The following STXBP4 variants were observed in gnomAD, a reference collection of about 807,000 sequenced individuals.
STXBP4 encodes syntaxin binding protein 4.
STXBP4 carries 55 observed loss-of-function variants against 76.1 expected under a neutral mutation model. The ratio of observed to expected loss-of-function variants is 0.72; its 90% CI spans 0.58 to 0.91. The LOEUF (loss-of-function observed/expected upper bound fraction) is 0.91. Among genes scored for constraint, STXBP4 ranks in the 40% least tolerant of loss-of-function variants. The pLI is 0.00. For synonymous variants in STXBP4, 201 were observed against 220.2 expected (o/e 0.91, Z 0.77); for missense variants, 618 against 636.9 (o/e 0.97, Z 0.32).
Position 55,007,591 on chromosome 17 carries a change from G to A in STXBP4, c.660G>A (p.Leu220=), listed in dbSNP as rs1365629792. 2.1e-5 allele frequency: 34 copies of A among 1,596,908 alleles called. No homozygotes were observed. The highest frequency in any genetic ancestry group is 2.7e-5 in the Non-Finnish European group (32 of 1,174,680). ...NPSVRFKAEK[L]EMALNYLGIQ... is the part of the protein sequence containing the mutation. ...CTGTTCGCTTTAAGGCAGAGAAACT[G>A]GAAATGGTAAAACCTTTAAATTTTC... Residue 220 remains leucine, a synonymous_variant, in exon 8 of 18, where the codon CTG becomes CTA. Coordinates refer to ENST00000376352, the MANE Select transcript of STXBP4 (RefSeq NM_178509.6).
chr17:54,987,665 G>A (rs1018036659), intron 3 of STXBP4, among the ~76,000 whole-genome samples: 5 of 152,266 alleles, frequency 3.3e-5, no homozygotes, highest in Non-Finnish European at 7.4e-5. Flanking sequence ...ATGCCAAAAT[G>A]AATAACCTAG....
intron 16 of STXBP4, among the ~76,000 whole-genome samples, chr17:55,121,126 A>AC (rs1304779911): frequency 6.6e-6 from 1 of 152,186 alleles, no homozygotes; most frequent in Non-Finnish European, 1.5e-5. Context: ...AAGATTCAGT[A>AC]CCCTCAAAGA....
rs1279552419 is a variant in STXBP4 at position 55,160,640 on chromosome 17, C to T, written c.*729C>T. ...CCCCTTCCCCCATACCCTGCTGTCT[C>T]CACGGAGGGAGGTCACAGCCCATCA... On this transcript the variant is annotated 3_prime_UTR_variant, in exon 18 of 18. Coordinates refer to ENST00000376352, the MANE Select transcript of STXBP4 (RefSeq NM_178509.6). 6.6e-6 allele frequency: 1 copy of T among 152,642 alleles called. No homozygotes were observed. The highest frequency in any genetic ancestry group is 1.5e-5 in the Non-Finnish European group (1 of 68,190). 9.5% of individuals were successfully genotyped at this position (152,642 alleles called of 1,614,324 possible).
At chr17:55,066,161 A>G (rs2079048237) in intron 12 of STXBP4, among the ~76,000 whole-genome samples, 1 of 152,162 alleles carries the variant, frequency 6.6e-6, no homozygotes, top group South Asian at 2.1e-4. Context: ...GAGAACATGC[A>G]CTGTATTTCT....
the STXBP4 span, among the ~76,000 whole-genome samples, chr17:55,187,557 T>C: frequency 1.3e-5 from 2 of 152,130 alleles, no homozygotes; most frequent in Non-Finnish European, 2.9e-5. Context: ...TGATATAGCA[T>C]CCTGGAGCTG....
chr17:54,970,184 G>A (rs1221189642), intron 1 of STXBP4, among the ~76,000 whole-genome samples: 1 of 152,168 alleles, frequency 6.6e-6, no homozygotes, highest in Non-Finnish European at 1.5e-5. Flanking sequence ...GGTAACAAAG[G>A]CCTGGTAATA....
rs2080348246 is a variant in STXBP4, at chr17:55,162,816, C to G, written c.*2905C>G. 2 of 152,160 alleles carry G rather than the reference C, an allele frequency of 1.3e-5. No individual in the cohort carries two copies. The highest frequency in any genetic ancestry group is 4.8e-5 in the African/African-American group (2 of 41,436). 9.4% of individuals were successfully genotyped at this position (152,160 alleles called of 1,614,324 possible). A position where few individuals can be genotyped will look rare whatever the true frequency, so the allele number is the denominator to read the frequency against. Reference sequence around the variant, plus strand: ...TTTTGACATGTTATGTTGTGGTCATCTTTTCATGTCAATACATAGATTAAT... The same window carrying G: ...TTTTGACATGTTATGTTGTGGTCATGTTTTCATGTCAATACATAGATTAAT... On this transcript the variant is annotated 3_prime_UTR_variant, in exon 18 of 18. Coordinates refer to ENST00000376352, the MANE Select transcript of STXBP4 (RefSeq NM_178509.6).
At chr17:55,028,284 CAGA>C (rs1197816077) in intron 8 of STXBP4, among the ~76,000 whole-genome samples, 3 of 151,870 alleles carry the variant, frequency 2.0e-5, no homozygotes, top group Admixed American at 6.6e-5. Context: ...AAATGATTAT[CAGA>C]AGGAGAATGC....
intron 8 of STXBP4, among the ~76,000 whole-genome samples, chr17:55,015,280 C>A (rs558899030): frequency 3.9e-4 from 59 of 152,290 alleles, no homozygotes; most frequent in Admixed American, 9.2e-4. Flanking sequence ...TCTGTGGCAC[C>A]AATCTCCATG....
intron 8 of STXBP4, among the ~76,000 whole-genome samples, chr17:55,022,801 G>T (rs564175318): frequency 1.3e-5 from 2 of 152,306 alleles, no homozygotes; most frequent in African/African-American, 4.8e-5. Flanking sequence ...TGTGTTCCTG[G>T]CATCATGTGA....
At chr17:54,982,134 CATTAA>C (rs140473728) in intron 1 of STXBP4, among the ~76,000 whole-genome samples, 2,283 of 152,192 alleles carry the variant, frequency 0.015, 53 homozygotes, top group African/African-American at 0.052. Flanking sequence ...TTTGTAATTT[CATTAA>C]ATTAATATTT....
At chr17:54,994,417 G>T (rs117976633) in intron 4 of STXBP4, among the ~76,000 whole-genome samples, 2,575 of 152,214 alleles carry the variant, frequency 0.017, 43 homozygotes, top group Non-Finnish European at 0.024. Context: ...GTCTCTTCCA[G>T]TTTACCTAGT....
intron 12 of STXBP4, among the ~76,000 whole-genome samples, chr17:55,057,713 C>T (rs924677463): frequency 1.3e-4 from 20 of 152,088 alleles, no homozygotes; most frequent in African/African-American, 4.3e-4. Flanking sequence ...CTTGCTCCAC[C>T]GCCCGACAGG....
At chr17:55,148,006 C>A (rs2080175769) in intron 17 of STXBP4, among the ~76,000 whole-genome samples, 1 of 152,104 alleles carries the variant, frequency 6.6e-6, no homozygotes, top group Non-Finnish European at 1.5e-5. Context: ...AATGATGCAA[C>A]TATTAGGTTG....
rs145139728 is a variant in STXBP4 at position 55,109,608 on chromosome 17, G to A, written c.1489+28425G>A. Among the ~76,000 whole-genome samples, 182 of 148,542 alleles carry A rather than the reference G, an allele frequency of 1.2e-3. 1 individual carries two copies. The highest frequency in any genetic ancestry group is 4.4e-3 in the African/African-American group (178 of 40,214). ...TTTCCTATTGCTGCTGTACCAAATG[G>A]CCACAAACTCAATGTCTTTTTTTTT... On this transcript the variant is annotated intron_variant, in intron 16 of 17. Coordinates refer to ENST00000376352, the MANE Select transcript of STXBP4 (RefSeq NM_178509.6).
At chr17:55,005,993 A>G (rs911481844) in intron 7 of STXBP4, among the ~76,000 whole-genome samples, 4 of 152,046 alleles carry the variant, frequency 2.6e-5, no homozygotes, top group African/African-American at 9.7e-5. Context: ...ATATATGTAT[A>G]TGTGTATATA....
intron 16 of STXBP4, among the ~76,000 whole-genome samples, chr17:55,115,276 A>G (rs1269149389): frequency 2.6e-5 from 4 of 151,850 alleles, no homozygotes; most frequent in East Asian, 1.9e-4. Flanking sequence ...TTTAAAAAAT[A>G]TAAGTGCAAC....
intron 16 of STXBP4, among the ~76,000 whole-genome samples, chr17:55,101,546 T>G (rs2079566290): frequency 1.3e-5 from 2 of 152,212 alleles, no homozygotes; most frequent in Non-Finnish European, 2.9e-5. Context: ...GCTTGACACA[T>G]AGTTGATACT....
intron 3 of STXBP4, 59 bp from the exon 4 acceptor site, chr17:54,990,766 G>T: frequency 1.3e-6 from 2 of 1,512,696 alleles, no homozygotes; most frequent in South Asian, 2.8e-5. Context: ...GTAGTTTAAA[G>T]AAAAAAATAG....
Sources: gnomAD v4.1 joint callset for allele counts (sites outside exome capture counted in the v4.1 genomes callset) on GRCh38, gnomAD v4.1.1 for gene constraint, MANE v1.5 for transcripts, NCBI Gene and HGNC (gene_info 2026-07-23, HGNC 2026-07-21) for gene names.